The following ERMARD variants were observed in gnomAD, a reference collection of about 807,000 sequenced individuals.
ERMARD encodes the protein ER membrane associated RNA degradation.
Under a neutral mutation model 83.9 loss-of-function variants are expected in ERMARD, and 71 were observed. The ratio of observed to expected loss-of-function variants is 0.85; its 90% CI spans 0.70 to 1.03. The LOEUF (loss-of-function observed/expected upper bound fraction) is 1.03. Ranked by LOEUF, ERMARD falls within the 50% of genes least tolerant of loss-of-function variation. The pLI, the probability that ERMARD is intolerant of heterozygous loss-of-function variation, is 0.00. For synonymous variants in ERMARD, 284 were observed against 298.6 expected (o/e 0.95, Z 0.50); for missense variants, 838 against 810.9 (o/e 1.03, Z -0.41).
At position 169,781,505 on chromosome 6, in the gene ERMARD, C is replaced by T. The variant is rs1290021702; in HGVS notation, c.2029C>T (p.Leu677Phe). ...AGCCAAGAAATCCACAAGTAAAGTA[C>T]TCTTATGAAAACTTGTAAGTCAGGA... ...HLAKKSTSKVLL is the reference protein window; with the variant it reads ...HLAKKSTSKVFL The change falls in exon 18 of 18, where the codon CTC becomes TTC. Residue 677 changes from leucine to phenylalanine, a missense_variant. Leu to Phe is a conservative substitution (Grantham distance 22, BLOSUM62 0). Transcript: ENST00000366773. 2 of 1,589,832 alleles carry T rather than the reference C, an allele frequency of 1.3e-6. No individual in the cohort carries two copies. Among genetic ancestry groups the T allele is most frequent in the Middle Eastern group, 1.8e-4 (1 of 5,538 alleles).
At chr6:169,754,892 G>A (rs114490860) in intron 2 of ERMARD, among the ~76,000 whole-genome samples, 4 of 151,750 alleles carry the variant, frequency 2.6e-5, no homozygotes, top group African/African-American at 4.8e-5. Context: ...TAACGTTAAC[G>A]TAAAAAAATC....
At chr6:169,758,545 A>C (rs1791107815) in intron 5 of ERMARD, among the ~76,000 whole-genome samples, 1 of 152,248 alleles carries the variant, frequency 6.6e-6, no homozygotes, top group Admixed American at 6.5e-5. Context: ...TGCTTAATAC[A>C]GTGATATGTT....
chr6:169,769,223 G>A (rs1792588909), intron 11 of ERMARD, among the ~76,000 whole-genome samples: 1 of 152,210 alleles, frequency 6.6e-6, no homozygotes, highest in East Asian at 1.9e-4. Context: ...AGAAAGAGCC[G>A]TGATTTCTTT....
chr6:169,760,026 A>G (rs779559623), intron 7 of ERMARD, 52 bp downstream of exon 7: 2 of 1,609,668 alleles, frequency 1.2e-6, no homozygotes, highest in Non-Finnish European at 1.7e-6. Context: ...GATATTTGCA[A>G]AGTCAGTAAA....
chr6:169,769,548 C>G lies in ERMARD; in HGVS notation c.1068C>G (p.Leu356=), dbSNP rs1178783715. The change falls in exon 12 of 18, where the codon CTC becomes CTG. Residue 356 remains leucine, a synonymous_variant. Transcript: ENST00000366773. ...TGTTTAATTTCTGAAAGGAATTTCT[C>G]TGGGATTTCCTGAACCATCAGGAGG... is the stretch of plus-strand genomic sequence containing the variant. The part of the protein sequence containing the change: ...LFLGEPAMEF[L]WDFLNHQEGP... The G allele has an allele frequency of 6.3e-7, 1 of 1,595,008 alleles. No individual in the cohort carries two copies. Among genetic ancestry groups the G allele is most frequent in the Admixed American group, 1.8e-5 (1 of 55,592 alleles).
At chr6:169,751,920 G>A (rs986151672) in intron 1 of ERMARD, 7 of 508,224 alleles carry the variant, frequency 1.4e-5, no homozygotes, top group Non-Finnish European at 2.3e-5. Context: ...CTGGCCCTGA[G>A]CTGGAACGCG....
chr6:169,779,594 A>G (rs1793978703), intron 17 of ERMARD, among the ~76,000 whole-genome samples: 1 of 152,160 alleles, frequency 6.6e-6, no homozygotes, highest in Non-Finnish European at 1.5e-5. Context: ...TCCCAGGCTC[A>G]GGTGATCTGC....
chr6:169,780,599 C>T (rs1794091475), intron 17 of ERMARD, among the ~76,000 whole-genome samples: 2 of 152,196 alleles, frequency 1.3e-5, no homozygotes. Context: ...GAGCCGGCCC[C>T]TCCATCACGG....
intron 16 of ERMARD, 58 bp from the exon 17 acceptor site, chr6:169,779,124 T>C: frequency 7.1e-7 from 1 of 1,410,294 alleles, no homozygotes; most frequent in Non-Finnish European, 1.0e-6. Context: ...TTTTTCCTGA[T>C]GAAGGTGGAA....
intron 3 of ERMARD, 157 bp downstream of exon 3, chr6:169,755,579 TC>T: frequency 1.2e-6 from 1 of 831,530 alleles, no homozygotes; most frequent in East Asian, 2.7e-5. Flanking sequence ...TTATGCAGGG[TC>T]TCCAAAGCCT....
At position 169,773,306 on chromosome 6, in the gene ERMARD, T is replaced by G. The variant is rs915224742; in HGVS notation, c.1234-13T>G. ...CCCAAACATGATAGTAACCACTGTTTTCTCTGCACTAGGAAAAATCAGCCG... is the reference window on the plus strand; with the variant it reads ...CCCAAACATGATAGTAACCACTGTTGTCTCTGCACTAGGAAAAATCAGCCG... On this transcript the variant is annotated splice_polypyrimidine_tract_variant and intron_variant, in intron 12 of 17. Coordinates refer to ENST00000366773, the MANE Select transcript of ERMARD (RefSeq NM_018341.3). 6 of 1,613,120 alleles carry G rather than the reference T, an allele frequency of 3.7e-6. No individual in the cohort carries two copies. The African/African-American group carries it at 8.0e-5, about 22-fold the overall frequency.
chr6:169,769,924 C>G (rs1023738021), intron 12 of ERMARD, among the ~76,000 whole-genome samples: 1 of 152,176 alleles, frequency 6.6e-6, no homozygotes, highest in Admixed American at 6.5e-5. Flanking sequence ...AATAATTTAA[C>G]TCGTTTCTTA....
intron 4 of ERMARD, 79 bp downstream of exon 4, chr6:169,756,518 T>C: frequency 8.9e-7 from 1 of 1,129,088 alleles, no homozygotes; most frequent in Non-Finnish European, 1.3e-6. Flanking sequence ...TTGTCCTCAG[T>C]TTTCTTGATT....
chr6:169,772,689 G>A (rs1024866247), intron 12 of ERMARD, among the ~76,000 whole-genome samples: 8 of 149,632 alleles, frequency 5.3e-5, no homozygotes, highest in Middle Eastern at 3.3e-3. Context: ...AGAATCGCTT[G>A]AACCTGGGAG....
In ERMARD at chr6:169,769,738, T is replaced by C. The variant is rs139347872; in HGVS notation, c.1233+25T>C. 7.1e-6 allele frequency: 11 copies of C among 1,554,672 alleles called. No homozygotes were observed. In the African/African-American group the frequency reaches 1.5e-4, roughly 21 times the overall value. ...GGTAATTTATAGGGAAGAAAATCATTAATTAGATTAACTCATTCAGCTATG... is the reference window on the plus strand; with the variant it reads ...GGTAATTTATAGGGAAGAAAATCATCAATTAGATTAACTCATTCAGCTATG... On this transcript the variant is annotated intron_variant, in intron 12 of 17. Transcript: ENST00000366773.
intron 8 of ERMARD, among the ~76,000 whole-genome samples, chr6:169,761,673 G>GGTTTTCTTTTGTTTT: frequency 6.6e-6 from 1 of 151,188 alleles, no homozygotes; most frequent in South Asian, 2.1e-4. Flanking sequence ...ATGTGTAAGT[G>GGTTTTCTTTTGTTTT]GTTTTGTTTT....
rs764288791 is a variant in ERMARD, at chr6:169,769,656, A to G, written c.1176A>G (p.Ala392=). 2 of 1,612,780 alleles carry G rather than the reference A, an allele frequency of 1.2e-6. No homozygotes were observed. The highest frequency in any genetic ancestry group is 4.5e-5 in the East Asian group (2 of 44,860). The part of the protein sequence containing the change: ...FSKETTNQLL[A]FSLVLLLRFV... ...AAGAAACAACTAATCAGTTGCTTGC[A>G]TTTTCTCTTGTACTGCTACTCAGAT... The change falls in exon 12 of 18, where the codon GCA becomes GCG. Residue 392 remains alanine (A), a synonymous_variant. Transcript: ENST00000366773.
At chr6:169,767,828 A>G (rs761242956) in intron 10 of ERMARD, 7 of 453,980 alleles carry the variant, frequency 1.5e-5, no homozygotes, top group Non-Finnish European at 2.8e-5. Flanking sequence ...CCCACACCAC[A>G]TATGCACATA....
chr6:169,777,933 C>T (rs1479630770), intron 16 of ERMARD, among the ~76,000 whole-genome samples: 1 of 152,252 alleles, frequency 6.6e-6, no homozygotes, highest in East Asian at 1.9e-4. Flanking sequence ...TTCCAACCTG[C>T]TTATTCCAGT....
Sources: allele counts gnomAD v4.1 joint callset (sites outside exome capture counted in the v4.1 genomes callset), GRCh38; gene constraint gnomAD v4.1.1; transcripts MANE v1.5; gene names NCBI Gene and HGNC (gene_info 2026-07-23, HGNC 2026-07-21).